Variants in CHMP4C observed in about 807,000 individuals in gnomAD.
CHMP4C encodes charged multivesicular body protein 4C, also known as SNF7 homolog associated with Alix 3.
CHMP4C carries 28 observed loss-of-function variants against 29.0 expected under a neutral mutation model. That is an observed-to-expected ratio of 0.97 (90% CI 0.72 to 1.32). The LOEUF (loss-of-function observed/expected upper bound fraction) is 1.32, where lower values mean the gene tolerates loss of function less well. CHMP4C is among the 40% of genes most tolerant of loss of function. The pLI is 0.00. For missense variants in CHMP4C, 291 were observed against 281.0 expected, an observed-to-expected ratio of 1.04 and a Z score of -0.25; for synonymous variants, 106 against 102.4, an observed-to-expected ratio of 1.04 and a Z score of -0.21.
chr8:81,736,828 T>C (rs73694767), intron 1 of CHMP4C, among the ~76,000 whole-genome samples: 2,583 of 152,314 alleles, frequency 0.017, 76 homozygotes, highest in African/African-American at 0.057. Flanking sequence ...GTTTGTTTAA[T>C]AATGTATATG....
chr8:81,739,418 T>TGGAGG, intron 1 of CHMP4C, among the ~76,000 whole-genome samples: 1 of 93,578 alleles, frequency 1.1e-5, no homozygotes, highest in East Asian at 4.4e-4. Flanking sequence ...TGGGGGATTG[T>TGGAGG]GGGGGGGGGT....
At chr8:81,742,461 A>G (rs1037956384) in intron 1 of CHMP4C, among the ~76,000 whole-genome samples, 1 of 152,250 alleles carries the variant, frequency 6.6e-6, no homozygotes, top group African/African-American at 2.4e-5. Context: ...TTACATGTGT[A>G]TGTTTAACCT....
chr8:81,758,235 C>G lies in CHMP4C; in HGVS notation c.577C>G (p.Leu193Val). 6.2e-7 allele frequency: 1 copy of G among 1,613,988 alleles called. No homozygotes were observed. The change falls in exon 4 of 5, where the codon CTC (leucine) becomes GTC (valine). Residue 193 changes from leucine to valine, a missense_variant. Leu to Val is a conservative substitution (Grantham distance 32, BLOSUM62 1). Transcript: ENST00000297265. ...CCTTCCAAATGTGCCTTCCTCTTCT[C>G]TCCCAGCACAGCCAAATAGAAAACC... is the stretch of plus-strand genomic sequence containing the variant. ...IRLPNVPSSS[L>V]PAQPNRKPGM... is the part of the protein sequence containing the mutation.
chr8:81,753,547 G>T (rs1808935720), intron 2 of CHMP4C, among the ~76,000 whole-genome samples: 1 of 152,076 alleles, frequency 6.6e-6, no homozygotes, highest in African/African-American at 2.4e-5. Flanking sequence ...CCTGTGTGAG[G>T]GTGTTGGATT....
chr8:81,737,125 T>C (rs1053840467), intron 1 of CHMP4C, among the ~76,000 whole-genome samples: 6 of 152,246 alleles, frequency 3.9e-5, no homozygotes, highest in African/African-American at 1.4e-4. Context: ...TCTTGCTTTA[T>C]AGGTGGTAAT....
chr8:81,739,257 C>T (rs1007116663), intron 1 of CHMP4C, among the ~76,000 whole-genome samples: 2 of 151,660 alleles, frequency 1.3e-5, no homozygotes, highest in African/African-American at 2.4e-5. Context: ...CCACCAAGCC[C>T]AGCTATTTTT....
Position 81,732,802 on chromosome 8 carries a change from C to T in CHMP4C, c.176C>T (p.Thr59Met). Residue 59 changes from threonine to methionine, a missense_variant, in exon 1 of 5, where the codon ACG (threonine) becomes ATG (methionine). Physicochemically the swap from Thr to Met is moderately conservative, Grantham distance 81. Coordinates refer to ENST00000297265, the MANE Select transcript of CHMP4C (RefSeq NM_152284.4). ...ATCGCCCTGGCCAAGAAGCACGGCA[C>T]GCAGAATAAGCGAGGTAGGCTGGGG... ...REIALAKKHG[T>M]QNKRAALQAL... The T allele has an allele frequency of 1.2e-6, 2 of 1,612,036 alleles. No homozygotes were observed. The highest frequency in any genetic ancestry group is 1.7e-6 in the Non-Finnish European group (2 of 1,179,118).
intron 1 of CHMP4C, among the ~76,000 whole-genome samples, chr8:81,734,901 T>TTG (rs1808667603): frequency 6.6e-6 from 1 of 151,900 alleles, no homozygotes; most frequent in African/African-American, 2.4e-5. Context: ...CAAATAAGTT[T>TTG]TTTTTTTTTT....
At position 81,753,136 on chromosome 8, in the gene CHMP4C, C is replaced by T; in HGVS notation, c.263C>T (p.Thr88Ile). The change falls in exon 2 of 5, where the codon ACC becomes ATC. Residue 88 changes from threonine to isoleucine, a missense_variant. Thr to Ile is a moderately conservative substitution (Grantham distance 89). Transcript: ENST00000297265. ...QLTQIDGTLS[T>I]IEFQREALEN... ...ACTCAGATTGATGGCACACTTTCTA[C>T]CATTGAGTTCCAGAGAGAAGCCCTG... is the stretch of plus-strand genomic sequence containing the variant. 6.2e-7 allele frequency: 1 copy of T among 1,612,456 alleles called. No homozygotes were observed. The highest frequency in any genetic ancestry group is 8.5e-7 in the Non-Finnish European group (1 of 1,179,032).
intron 1 of CHMP4C, among the ~76,000 whole-genome samples, chr8:81,738,987 A>G (rs1280362967): frequency 1.3e-5 from 2 of 150,926 alleles, no homozygotes; most frequent in African/African-American, 2.4e-5. Flanking sequence ...TATTTATTCT[A>G]TTTTCTTCCT....
At chr8:81,754,060 A>G (rs1008768044) in intron 2 of CHMP4C, among the ~76,000 whole-genome samples, 3 of 152,242 alleles carry the variant, frequency 2.0e-5, no homozygotes, top group Middle Eastern at 6.8e-3. Context: ...TGCCTAAGAG[A>G]TGCAGACAAA....
chr8:81,735,447 C>T (rs1038931779), intron 1 of CHMP4C, among the ~76,000 whole-genome samples: 7 of 152,164 alleles, frequency 4.6e-5, no homozygotes, highest in African/African-American at 1.7e-4. Context: ...AGTTAACTGT[C>T]TTCTATTAGC....
chr8:81,750,046 T>C (rs1049371083), intron 1 of CHMP4C, among the ~76,000 whole-genome samples: 1 of 152,194 alleles, frequency 6.6e-6, no homozygotes, highest in Non-Finnish European at 1.5e-5. Flanking sequence ...TGCAGCCTGA[T>C]GATGCAATAG....
At chr8:81,737,617 A>G (rs927630491) in intron 1 of CHMP4C, among the ~76,000 whole-genome samples, 1 of 152,222 alleles carries the variant, frequency 6.6e-6, no homozygotes, top group Non-Finnish European at 1.5e-5. Flanking sequence ...CAAAGCAGAC[A>G]GCCAAATAAA....
At chr8:81,751,216 C>T (rs1030928855) in intron 1 of CHMP4C, among the ~76,000 whole-genome samples, 1 of 151,924 alleles carries the variant, frequency 6.6e-6, no homozygotes, top group Non-Finnish European at 1.5e-5. Context: ...AATAAAGAAG[C>T]AATCCAAGAA....
chr8:81,732,603 G>A lies in CHMP4C; in HGVS notation c.-24G>A, dbSNP rs981561699. 6.6e-6 allele frequency: 10 copies of A among 1,514,288 alleles called. No homozygotes were observed. Among genetic ancestry groups the A allele is most frequent in the Admixed American group, 4.4e-5 (2 of 45,632 alleles). 93.8% of individuals were successfully genotyped at this position (1,514,288 alleles called of 1,614,324 possible). A position where few individuals can be genotyped will look rare whatever the true frequency, so the allele number is the denominator to read the frequency against. ...GAGCTCCCGAGAGGCCCCCGGGATCGCTGGCCCTCCGAACTCCACAGCAAT... is the reference window on the plus strand; with the variant it reads ...GAGCTCCCGAGAGGCCCCCGGGATCACTGGCCCTCCGAACTCCACAGCAAT... On this transcript the variant is annotated 5_prime_UTR_variant, in exon 1 of 5. Coordinates refer to ENST00000297265, the MANE Select transcript of CHMP4C (RefSeq NM_152284.4).
At chr8:81,755,288 C>G in intron 2 of CHMP4C, 82 bp from the exon 3 acceptor site, 1 of 610,998 alleles carries the variant, frequency 1.6e-6, no homozygotes, top group Non-Finnish European at 2.7e-6. Context: ...ATTAAATGAA[C>G]TGACTTTTTA....
chr8:81,749,475 C>T (rs1808869833), intron 1 of CHMP4C, among the ~76,000 whole-genome samples: 1 of 152,110 alleles, frequency 6.6e-6, no homozygotes, highest in South Asian at 2.1e-4. Flanking sequence ...GATGCTGTCT[C>T]TTTTCTCCAA....
intron 2 of CHMP4C, among the ~76,000 whole-genome samples, chr8:81,754,765 A>G (rs10105261): frequency 0.99 from 151,309 of 152,298 alleles, 75,170 homozygotes; most frequent in East Asian, 1. Flanking sequence ...CTGAGCAAGT[A>G]GCTACCTAGA....
Sources: gnomAD v4.1 joint callset for allele counts (sites outside exome capture counted in the v4.1 genomes callset) on GRCh38, gnomAD v4.1.1 for gene constraint, MANE v1.5 for transcripts, NCBI Gene and HGNC (gene_info 2026-07-23, HGNC 2026-07-21) for gene names.